RSRC1: variants seen among roughly 807,000 people sequenced by gnomAD.
RSRC1 encodes arginine and serine rich coiled-coil 1, also known as serine/Arginine-related protein 53.
Under a neutral mutation model 49.1 loss-of-function variants are expected in RSRC1, and 39 were observed. The ratio of observed to expected loss-of-function variants is 0.79; its 90% CI spans 0.61 to 1.04. The LOEUF is 1.04. RSRC1 is among the 50% of genes least tolerant of loss of function. The pLI is 0.00. For missense variants in RSRC1, 388 were observed against 402.4 expected, an observed-to-expected ratio of 0.96 and a Z score of 0.31; for synonymous variants, 143 against 130.8, an observed-to-expected ratio of 1.09 and a Z score of -0.63.
At chr3:158,267,808 T>A (rs1334485835) in intron 4 of RSRC1, among the ~76,000 whole-genome samples, 1 of 151,234 alleles carries the variant, frequency 6.6e-6, no homozygotes, top group Non-Finnish European at 1.5e-5. Flanking sequence ...TAATATCTGG[T>A]TCACTAATAG....
At chr3:158,320,004 A>T (rs1454047320) in intron 5 of RSRC1, among the ~76,000 whole-genome samples, 1 of 152,182 alleles carries the variant, frequency 6.6e-6, no homozygotes, top group Non-Finnish European at 1.5e-5. Flanking sequence ...CAACTATAGG[A>T]GGAGATTTAC....
At chr3:158,301,475 T>G (rs1727545492) in intron 5 of RSRC1, among the ~76,000 whole-genome samples, 1 of 152,158 alleles carries the variant, frequency 6.6e-6, no homozygotes, top group South Asian at 2.1e-4. Context: ...TTCCCTTATT[T>G]ATTTTGATGC....
chr3:158,338,320 C>CT (rs1388235611), intron 5 of RSRC1, among the ~76,000 whole-genome samples: 2 of 149,582 alleles, frequency 1.3e-5, no homozygotes, highest in African/African-American at 4.9e-5. Context: ...TTTTTCTTTT[C>CT]TTCTTTTGGT....
intron 7 of RSRC1, among the ~76,000 whole-genome samples, chr3:158,535,422 G>A (rs1712663661): frequency 6.6e-6 from 1 of 151,298 alleles, no homozygotes; most frequent in Non-Finnish European, 1.5e-5. Flanking sequence ...AATTTGATTG[G>A]TAGTATCAGC....
chr3:158,520,631 C>T (rs887182274), intron 7 of RSRC1, among the ~76,000 whole-genome samples: 2 of 152,086 alleles, frequency 1.3e-5, no homozygotes, highest in African/African-American at 4.8e-5. Context: ...GAATATTGAC[C>T]TCCTATGTCC....
At chr3:158,157,785 C>T (rs1717969244) in intron 3 of RSRC1, among the ~76,000 whole-genome samples, 1 of 152,022 alleles carries the variant, frequency 6.6e-6, no homozygotes, top group Non-Finnish European at 1.5e-5. Flanking sequence ...CATGGTGGCA[C>T]ATGCCTGTAA....
At chr3:158,141,158 A>G (rs753584124) in intron 3 of RSRC1, among the ~76,000 whole-genome samples, 1 of 152,250 alleles carries the variant, frequency 6.6e-6, no homozygotes, top group Non-Finnish European at 1.5e-5. Context: ...TGAATGAATT[A>G]TAGCCAATAA....
chr3:158,135,435 A>ATT (rs751854340), intron 3 of RSRC1, among the ~76,000 whole-genome samples: 75 of 136,948 alleles, frequency 5.5e-4, no homozygotes, highest in African/African-American at 1.9e-3. Flanking sequence ...ACACCCAGCT[A>ATT]TTTTTTTTTT....
chr3:158,479,344 A>G (rs1024791577), intron 7 of RSRC1, among the ~76,000 whole-genome samples: 3 of 151,552 alleles, frequency 2.0e-5, no homozygotes, highest in African/African-American at 7.3e-5. Flanking sequence ...GATAAGCCCA[A>G]TGATTGTTAT....
chr3:158,389,032 A>T (rs1462727313), intron 6 of RSRC1, among the ~76,000 whole-genome samples: 1 of 152,194 alleles, frequency 6.6e-6, no homozygotes, highest in African/African-American at 2.4e-5. Context: ...GCAAACACAA[A>T]AGTTTATAGA....
chr3:158,335,293 T>C (rs1418345712), intron 5 of RSRC1, among the ~76,000 whole-genome samples: 3 of 152,114 alleles, frequency 2.0e-5, no homozygotes, highest in Admixed American at 6.6e-5. Context: ...TAACTAAGAA[T>C]GACCGGACAC....
chr3:158,495,459 A>C (rs1316410535), intron 7 of RSRC1, among the ~76,000 whole-genome samples: 4 of 151,680 alleles, frequency 2.6e-5, no homozygotes, highest in Non-Finnish European at 1.5e-5. Context: ...TAATTTTTGT[A>C]CTTTTTGGTA....
rs530630373 is a variant in RSRC1 at position 158,516,831 on chromosome 3, G to A, written c.653-20261G>A. 1.9e-4 allele frequency among the ~76,000 whole-genome samples: 29 copies of A among 152,306 alleles called. No homozygotes were observed. The South Asian group carries it at 3.1e-3, about 16-fold the overall frequency. Reference sequence around the variant, plus strand: ...TTTTTTAAGCCCGTCGGAAAAGTGCGGTATTCAGGTGGGAGTGACCCGATT... The same window carrying A: ...TTTTTTAAGCCCGTCGGAAAAGTGCAGTATTCAGGTGGGAGTGACCCGATT... On this transcript the variant is annotated intron_variant, in intron 7 of 9. Transcript: ENST00000611884.
intron 4 of RSRC1, among the ~76,000 whole-genome samples, chr3:158,238,037 A>G (rs1282730738): frequency 2.6e-5 from 4 of 152,230 alleles, no homozygotes; most frequent in South Asian, 2.1e-4. Context: ...TACAAAATCA[A>G]TGTGCAAAAA....
At chr3:158,328,169 G>A (rs866769357) in intron 5 of RSRC1, among the ~76,000 whole-genome samples, 19 of 152,074 alleles carry the variant, frequency 1.2e-4, no homozygotes, top group Non-Finnish European at 2.5e-4. Context: ...ACACTGATGG[G>A]TCTTGACTCT....
At chr3:158,427,487 A>C (rs544921342) in intron 6 of RSRC1, among the ~76,000 whole-genome samples, 1 of 151,796 alleles carries the variant, frequency 6.6e-6, no homozygotes, top group Admixed American at 6.6e-5. Flanking sequence ...GGATAATTAT[A>C]TAAGTATAGC....
intron 6 of RSRC1, among the ~76,000 whole-genome samples, chr3:158,410,115 T>TA (rs983034836): frequency 5.3e-5 from 8 of 152,224 alleles, no homozygotes; most frequent in Admixed American, 4.6e-4. Context: ...TACTATTTTT[T>TA]AAAAAAAGCG....
rs530828100 is a variant in RSRC1 at position 158,199,143 on chromosome 3, G to T, written c.321-3929G>T. Among the ~76,000 whole-genome samples, 54 of 152,214 alleles carry T rather than the reference G, an allele frequency of 3.5e-4. No homozygotes were observed. The South Asian group carries it at 0.01, about 29-fold the overall frequency. On this transcript the variant is annotated intron_variant, in intron 3 of 9. Coordinates refer to ENST00000611884, the MANE Select transcript of RSRC1 (RefSeq NM_001271838.2). The stretch of plus-strand genomic sequence containing the variant: ...TGAAGGTAAAAACGGGAGTTTCTCT[G>T]CACAAGCTCTTTCTTTGCCTGCTGC...
chr3:158,205,334 A>G (rs1051290797), intron 4 of RSRC1, among the ~76,000 whole-genome samples: 12 of 152,106 alleles, frequency 7.9e-5, no homozygotes, highest in Non-Finnish European at 1.8e-4. Flanking sequence ...AATCTTTTGT[A>G]TCACTCAGAG....
Sources: allele counts gnomAD v4.1 joint callset (sites outside exome capture counted in the v4.1 genomes callset), GRCh38; gene constraint gnomAD v4.1.1; transcripts MANE v1.5; gene names NCBI Gene and HGNC (gene_info 2026-07-23, HGNC 2026-07-21).